TNPO3: variants seen among roughly 807,000 people sequenced by gnomAD.
The protein encoded by TNPO3 is transportin 3.
Under a neutral mutation model 122.8 loss-of-function variants are expected in TNPO3, and 65 were observed. The ratio of observed to expected loss-of-function variants is 0.53; its 90% CI spans 0.43 to 0.65. TNPO3 has a LOEUF of 0.65. Among genes scored for constraint, TNPO3 ranks in the 30% least tolerant of loss-of-function variants. TNPO3 has a pLI of 0.00. For missense variants in TNPO3, 850 were observed against 1,136.7 expected (o/e 0.75, Z 3.63); for synonymous variants, 372 against 411.2 (o/e 0.90, Z 1.15).
At chr7:129,000,272 A>AT (rs199828436) in intron 7 of TNPO3, among the ~76,000 whole-genome samples, 157 bp downstream of exon 7, 2 of 152,244 alleles carry the variant, frequency 1.3e-5, no homozygotes, top group South Asian at 2.1e-4. Context: ...CCCAAATATA[A>AT]TTTTTTTAAA....
chr7:129,056,070 CG>C, upstream of TNPO3: 1 of 1,165,944 alleles, frequency 8.6e-7, no homozygotes. Flanking sequence ...GATGAACGGG[CG>C]GAAGAAATGT....
At chr7:129,004,480 G>T (rs112895374) in intron 5 of TNPO3, among the ~76,000 whole-genome samples, 1 of 152,088 alleles carries the variant, frequency 6.6e-6, no homozygotes, top group African/African-American at 2.4e-5. Context: ...AAGAAGAAAC[G>T]CACAAGTATA....
At chr7:128,967,906 T>C (rs778748115) in intron 20 of TNPO3, among the ~76,000 whole-genome samples, 2 of 152,056 alleles carry the variant, frequency 1.3e-5, no homozygotes, top group Non-Finnish European at 2.9e-5. Context: ...TCCATCAACA[T>C]GCCTGGCTAA....
At chr7:128,972,309 T>G (rs1199378896) in intron 19 of TNPO3, 117 bp downstream of exon 19, 2 of 1,171,276 alleles carry the variant, frequency 1.7e-6, no homozygotes, top group Non-Finnish European at 2.4e-6. Context: ...CTATGATATA[T>G]GTCTACCAAT....
intron 1 of TNPO3, among the ~76,000 whole-genome samples, chr7:129,031,843 A>G (rs1805985263): frequency 6.6e-6 from 1 of 152,216 alleles, no homozygotes; most frequent in Admixed American, 6.5e-5. Flanking sequence ...TCAATTTTTA[A>G]ATTTTTATTT....
chr7:129,007,091 C>A (rs549966611), intron 4 of TNPO3, among the ~76,000 whole-genome samples: 3 of 152,068 alleles, frequency 2.0e-5, no homozygotes, highest in African/African-American at 7.2e-5. Context: ...TTTACTGAGC[C>A]CTTTCTGTGC....
Position 129,054,639 on chromosome 7 carries a change from TG to T in TNPO3, c.120+11del. 1 of 1,613,376 alleles carries T rather than the reference TG, an allele frequency of 6.2e-7. No individual in the cohort carries two copies. Among genetic ancestry groups the T allele is most frequent in the Non-Finnish European group, 8.5e-7 (1 of 1,179,970 alleles). On this transcript the variant is annotated intron_variant, in intron 1 of 22. Transcript: ENST00000265388. Reference sequence around the variant, plus strand: ...GCCGTGCGGCACAGAACTGCCTCTCTGGGCCCCTCACCGAACGCTGCAGCTC... The same window carrying T: ...GCCGTGCGGCACAGAACTGCCTCTCTGGCCCCTCACCGAACGCTGCAGCTC...
chr7:129,008,498 C>G (rs1802828648), intron 4 of TNPO3, among the ~76,000 whole-genome samples: 2 of 151,750 alleles, frequency 1.3e-5, no homozygotes, highest in Non-Finnish European at 2.9e-5. Flanking sequence ...TCCCCTGAAA[C>G]TCAGAAAGAA....
At chr7:129,017,647 C>A (rs1803995842) in intron 2 of TNPO3, among the ~76,000 whole-genome samples, 2 of 152,188 alleles carry the variant, frequency 1.3e-5, no homozygotes, top group Non-Finnish European at 2.9e-5. Flanking sequence ...ATTCATGAGA[C>A]CTTTACTAAA....
At chr7:129,055,842 A>G (rs866012385), upstream of TNPO3, 42 of 566,036 alleles carry the variant, frequency 7.4e-5, no homozygotes, top group African/African-American at 7.7e-4. Context: ...GTATATTGAT[A>G]TTAACATTGC....
chr7:128,993,207 G>T (rs1185455355), intron 9 of TNPO3, among the ~76,000 whole-genome samples: 1 of 151,580 alleles, frequency 6.6e-6, no homozygotes, highest in East Asian at 1.9e-4. Flanking sequence ...GAGCTCATTA[G>T]AATATAATAC....
chr7:128,976,051 A>T lies in TNPO3; in HGVS notation c.2062-116T>A, dbSNP rs183151066. The stretch of plus-strand genomic sequence containing the variant: ...ATTGGCTTCTTCTCTTTAAGGCAAC[A>T]TAGTATAAAGCTTCTTAGCACTATT... On this transcript the variant is annotated intron_variant, in intron 16 of 22. Transcript: ENST00000265388. 1,190 of 738,334 alleles carry T rather than the reference A, an allele frequency of 1.6e-3. 15 individuals carry two copies. The Admixed American group carries it at 0.022, about 14-fold the overall frequency. 45.7% of individuals were successfully genotyped at this position (738,334 alleles called of 1,614,324 possible).
At chr7:129,018,452 A>C (rs1804089645) in intron 1 of TNPO3, among the ~76,000 whole-genome samples, 1 of 152,204 alleles carries the variant, frequency 6.6e-6, no homozygotes. Context: ...GAGTATGAAG[A>C]AAAATGTCCC....
At chr7:128,976,479 AT>A (rs200608642) in intron 16 of TNPO3, among the ~76,000 whole-genome samples, 129 of 149,796 alleles carry the variant, frequency 8.6e-4, no homozygotes, top group Admixed American at 2.3e-3. Flanking sequence ...GCACATTATT[AT>A]TTTTTTTTTA....
chr7:129,046,890 AC>A (rs1276195443), intron 1 of TNPO3, among the ~76,000 whole-genome samples: 1 of 151,880 alleles, frequency 6.6e-6, no homozygotes, highest in South Asian at 2.1e-4. Flanking sequence ...GTATGAGGGA[AC>A]CCCCCATCAT....
At chr7:128,995,715 T>A (rs1454276374) in intron 8 of TNPO3, among the ~76,000 whole-genome samples, 1 of 150,396 alleles carries the variant, frequency 6.6e-6, no homozygotes, top group East Asian at 1.9e-4. Context: ...TTTTATTTTT[T>A]TGAGACTGAG....
chr7:128,994,043 G>C, intron 8 of TNPO3, 129 bp from the exon 9 acceptor site: 1 of 747,676 alleles, frequency 1.3e-6, no homozygotes, highest in Non-Finnish European at 2.1e-6. Context: ...CCTAAATCAC[G>C]AGGGTATTTT....
chr7:129,005,686 C>A (rs1030445160), intron 4 of TNPO3, among the ~76,000 whole-genome samples: 5 of 151,950 alleles, frequency 3.3e-5, no homozygotes, highest in African/African-American at 1.2e-4. Context: ...CCTGAGGCCT[C>A]CCTAGAAGCA....
chr7:128,957,764 A>C (rs936193760), intron 21 of TNPO3, among the ~76,000 whole-genome samples: 1 of 152,212 alleles, frequency 6.6e-6, no homozygotes, highest in African/African-American at 2.4e-5. Context: ...GGCTCTCATA[A>C]GTTTCCTCAT....
Sources: allele counts gnomAD v4.1 joint callset (sites outside exome capture counted in the v4.1 genomes callset), GRCh38; gene constraint gnomAD v4.1.1; transcripts MANE v1.5; gene names NCBI Gene and HGNC (gene_info 2026-07-23, HGNC 2026-07-21).